Variants in VXN observed in about 807,000 individuals in gnomAD.
VXN encodes the protein vexin.
Under a neutral mutation model 23.1 loss-of-function variants are expected in VXN, and 7 were observed. The observed-to-expected ratio is 0.30, with a 90% CI of 0.17 to 0.57. VXN has a LOEUF of 0.57. Ranked by LOEUF, VXN falls within the 20% of genes least tolerant of loss-of-function variation. VXN has a pLI of 0.91. For missense variants in VXN, 238 were observed against 272.6 expected, an observed-to-expected ratio of 0.87 and a Z score of 0.89; for synonymous variants, 120 against 105.8, an observed-to-expected ratio of 1.13 and a Z score of -0.83.
chr8:66,500,229 A>T (rs1807675594), intron 2 of VXN, among the ~76,000 whole-genome samples: 2 of 152,232 alleles, frequency 1.3e-5, no homozygotes. Flanking sequence ...CCGAGGATAA[A>T]TTCATAGATA....
intron 4 of VXN, among the ~76,000 whole-genome samples, chr8:66,510,953 A>G (rs920866805): frequency 2.0e-5 from 3 of 152,162 alleles, no homozygotes; most frequent in African/African-American, 7.2e-5. Context: ...TTACCCACTC[A>G]GACTGGTCTG....
intron 3 of VXN, among the ~76,000 whole-genome samples, chr8:66,509,247 G>A (rs1807794215): frequency 6.6e-6 from 1 of 152,178 alleles, no homozygotes; most frequent in African/African-American, 2.4e-5. Flanking sequence ...CTTGTCCTGG[G>A]ACATCTGCCC....
intron 2 of VXN, chr8:66,501,225 G>A (rs1807688438): frequency 6.6e-6 from 1 of 152,114 alleles, no homozygotes; most frequent in African/African-American, 2.4e-5. Context: ...AATACTTCAT[G>A]AATTTGCGTG....
At chr8:66,505,969 A>G (rs1266866022) in intron 3 of VXN, among the ~76,000 whole-genome samples, 2 of 152,108 alleles carry the variant, frequency 1.3e-5, no homozygotes, top group African/African-American at 4.8e-5. Context: ...TATCTTTAAA[A>G]GATGGGGTCT....
Position 66,493,568 on chromosome 8 carries a change from A to G in VXN, c.-81A>G. The stretch of plus-strand genomic sequence containing the variant: ...ACCCGCACAATGATCCCTGAGCCAG[A>G]CTGGATTAGGATGCCTCGCGACTAG... On this transcript the variant is annotated 5_prime_UTR_variant, in exon 1 of 6. Coordinates refer to ENST00000305454, the MANE Select transcript of VXN (RefSeq NM_152765.4). The G allele has an allele frequency of 8.6e-7, 1 of 1,159,166 alleles. No individual in the cohort carries two copies. The highest frequency in any genetic ancestry group is 1.3e-6 in the Non-Finnish European group (1 of 775,156). The allele number at this position is 1,159,166 out of a possible 1,614,324, so 71.8% of individuals were successfully genotyped here. A position where few individuals can be genotyped will look rare whatever the true frequency, so the allele number is the denominator to read the frequency against.
intron 1 of VXN, among the ~76,000 whole-genome samples, chr8:66,495,801 AG>A (rs1388899280): frequency 1.3e-5 from 2 of 152,344 alleles, no homozygotes; most frequent in East Asian, 3.9e-4. Flanking sequence ...TTAAGTGTAC[AG>A]GTCAGTGGCA....
chr8:66,513,179 G>A (rs1187191975), intron 4 of VXN, among the ~76,000 whole-genome samples: 1 of 152,206 alleles, frequency 6.6e-6, no homozygotes, highest in Non-Finnish European at 1.5e-5. Flanking sequence ...GGAGGTGTGA[G>A]GGTGGCAGTT....
In VXN at chr8:66,513,872, G is replaced by A. The variant is rs796637625; in HGVS notation, c.440+235G>A. ...TTTTCATGGTTTCCACTTCATTAAC[G>A]CCACTCTTTAGGCTTGGAGAAGTCA... On this transcript the variant is annotated intron_variant, in intron 5 of 5. Transcript: ENST00000305454. 40 of 481,252 alleles carry A rather than the reference G, an allele frequency of 8.3e-5. 1 individual carries two copies. Among genetic ancestry groups the A allele is most frequent in the Non-Finnish European group, 1.1e-4 (31 of 275,184 alleles). 29.8% of individuals were successfully genotyped at this position (481,252 alleles called of 1,614,324 possible). A position where few individuals can be genotyped will look rare whatever the true frequency, so the allele number is the denominator to read the frequency against.
At chr8:66,494,173 A>G (rs1220437337) in intron 1 of VXN, among the ~76,000 whole-genome samples, 1 of 152,218 alleles carries the variant, frequency 6.6e-6, no homozygotes, top group Non-Finnish European at 1.5e-5. Flanking sequence ...CTTGAAGTCC[A>G]GTGAAGCCGT....
rs1807916028 is a variant in VXN at position 66,517,934 on chromosome 8, G to T, written c.*1858G>T. 1 of 152,238 alleles carries T rather than the reference G, an allele frequency of 6.6e-6. No individual in the cohort carries two copies. Among genetic ancestry groups the T allele is most frequent in the Admixed American group, 6.5e-5 (1 of 15,288 alleles). The allele number at this position is 152,238 out of a possible 1,614,324, so 9.4% of individuals were successfully genotyped here. A position where few individuals can be genotyped will look rare whatever the true frequency, so the allele number is the denominator to read the frequency against. ...AGGTGAATCCATGAGAAGCGAGAGG[G>T]TGGCTGAGAGGCCTGGGCCTCTGGG... On this transcript the variant is annotated 3_prime_UTR_variant, in exon 6 of 6. Coordinates refer to ENST00000305454, the MANE Select transcript of VXN (RefSeq NM_152765.4).
At chr8:66,503,302 G>A (rs963390986) in intron 2 of VXN, 1 of 152,164 alleles carries the variant, frequency 6.6e-6, no homozygotes, top group African/African-American at 2.4e-5. Context: ...ATAAAATTAG[G>A]CTAGAATTGG....
At chr8:66,505,017 G>A (rs1807733715) in intron 2 of VXN, among the ~76,000 whole-genome samples, 1 of 152,238 alleles carries the variant, frequency 6.6e-6, no homozygotes. Context: ...TTCATTGCCT[G>A]TCCTGTTGTC....
chr8:66,498,521 C>A (rs980938180), intron 2 of VXN, among the ~76,000 whole-genome samples: 1 of 152,178 alleles, frequency 6.6e-6, no homozygotes. Flanking sequence ...CCCTTATCTG[C>A]AGGAAATATG....
chr8:66,515,731 A>T (rs1438627647), intron 5 of VXN, among the ~76,000 whole-genome samples, 162 bp from the exon 6 acceptor site: 2 of 152,200 alleles, frequency 1.3e-5, no homozygotes. Flanking sequence ...CCAAGGGAAG[A>T]CGTTCCTGTG....
At chr8:66,510,066 G>C (rs1315719004) in intron 3 of VXN, 30 bp from the exon 4 acceptor site, 8 of 1,599,694 alleles carry the variant, frequency 5.0e-6, no homozygotes, top group Non-Finnish European at 6.9e-6. Context: ...GAGTACCACT[G>C]AGTAATATCT....
At position 66,517,255 on chromosome 8, in the gene VXN, T is replaced by G. The variant is rs542969126; in HGVS notation, c.*1179T>G. The G allele has an allele frequency of 3.9e-5, 6 of 152,222 alleles. No individual in the cohort carries two copies. Among genetic ancestry groups the G allele is most frequent in the Non-Finnish European group, 8.8e-5 (6 of 68,030 alleles). The allele number at this position is 152,222 out of a possible 1,614,324, so 9.4% of individuals were successfully genotyped here. A position where few individuals can be genotyped will look rare whatever the true frequency, so the allele number is the denominator to read the frequency against. ...TAAAACAATAACATAATAATAATGATGATAATGATACTTATAGCTATCATC... is the reference window on the plus strand; with the variant it reads ...TAAAACAATAACATAATAATAATGAGGATAATGATACTTATAGCTATCATC... On this transcript the variant is annotated 3_prime_UTR_variant, in exon 6 of 6. Coordinates refer to ENST00000305454, the MANE Select transcript of VXN (RefSeq NM_152765.4).
chr8:66,515,816 C>T, intron 5 of VXN, 77 bp from the exon 6 acceptor site: 1 of 1,300,914 alleles, frequency 7.7e-7, no homozygotes, highest in Non-Finnish European at 1.0e-6. Context: ...GAGCTCTGGC[C>T]ACTCTTCTTA....
At chr8:66,503,702 G>C (rs1023651739) in intron 2 of VXN, among the ~76,000 whole-genome samples, 13 of 152,050 alleles carry the variant, frequency 8.5e-5, no homozygotes, top group African/African-American at 2.9e-4. Context: ...CTATACTCAG[G>C]ATGCTAAAGA....
intron 5 of VXN, among the ~76,000 whole-genome samples, chr8:66,515,082 A>G (rs938876033): frequency 6.6e-6 from 1 of 152,244 alleles, no homozygotes; most frequent in Non-Finnish European, 1.5e-5. Context: ...AGATTGGATC[A>G]TATTTATTTT....
Sources: gnomAD v4.1 joint callset for allele counts (sites outside exome capture counted in the v4.1 genomes callset) on GRCh38, gnomAD v4.1.1 for gene constraint, MANE v1.5 for transcripts, NCBI Gene and HGNC (gene_info 2026-07-23, HGNC 2026-07-21) for gene names.